CYFIP1: variants seen among roughly 807,000 people sequenced by gnomAD.
The protein encoded by CYFIP1 is cytoplasmic FMR1-interacting protein 1.
A neutral mutation model predicts 163.5 loss-of-function variants in CYFIP1; 58 were observed. The observed-to-expected ratio is 0.35, with a 90% confidence interval of 0.29 to 0.44. The LOEUF (loss-of-function observed/expected upper bound fraction) is 0.44. Ranked by LOEUF, CYFIP1 falls within the 20% of genes least tolerant of loss-of-function variation. The pLI, the probability that CYFIP1 is intolerant of heterozygous loss-of-function variation, is 1.00. For missense variants in CYFIP1, 1,338 were observed against 1,653.8 expected, an observed-to-expected ratio of 0.81 and a Z score of 3.31; for synonymous variants, 663 against 660.7, an observed-to-expected ratio of 1.00 and a Z score of -0.05.
intron 22 of CYFIP1, among the ~76,000 whole-genome samples, chr15:22,900,527 T>C (rs1452914897): frequency 6.6e-6 from 1 of 151,776 alleles, no homozygotes. Flanking sequence ...GCCTCCCAAG[T>C]AGCTGGGACT....
At chr15:22,893,103 G>T in intron 22 of CYFIP1, 126 bp from the exon 23 acceptor site, 1 of 675,628 alleles carries the variant, frequency 1.5e-6, no homozygotes, top group Non-Finnish European at 2.5e-6. Flanking sequence ...TCATCAAATA[G>T]GAAAATTCTA....
At position 22,917,417 on chromosome 15, in the gene CYFIP1, TC is replaced by T. The variant is rs1240703048; in HGVS notation, c.1674+370del. 3.0e-6 allele frequency: 2 copies of T among 662,038 alleles called. No individual in the cohort carries two copies. The highest frequency in any genetic ancestry group is 4.4e-6 in the Non-Finnish European group (2 of 457,478). The allele number at this position is 662,038 out of a possible 1,614,324, so 41.0% of individuals were successfully genotyped here. A position where few individuals can be genotyped will look rare whatever the true frequency, so the allele number is the denominator to read the frequency against. Reference sequence around the variant, plus strand: ...CACACGCAAGCAGCACCTCACAGTTTCCCACGCCCCATCTACAGTCATTTGC... The same window carrying T: ...CACACGCAAGCAGCACCTCACAGTTTCCACGCCCCATCTACAGTCATTTGC... On this transcript the variant is annotated intron_variant, in intron 15 of 30. Coordinates refer to ENST00000617928, the MANE Select transcript of CYFIP1 (RefSeq NM_014608.6). The surrounding 1 kb of genome is among the most constrained non-coding windows in gnomAD (Gnocchi z 4.2).
intron 13 of CYFIP1, among the ~76,000 whole-genome samples, chr15:22,920,159 C>CTTTTTTTTTT (rs71117470): frequency 4.0e-5 from 3 of 75,520 alleles, no homozygotes; most frequent in African/African-American, 5.4e-5. Flanking sequence ...ATTAAGGCAG[C>CTTTTTTTTTT]TTTTTTTTTT....
intron 5 of CYFIP1, among the ~76,000 whole-genome samples, chr15:22,943,663 T>C (rs991554268): frequency 3.3e-5 from 5 of 152,238 alleles, no homozygotes; most frequent in Non-Finnish European, 7.3e-5. Flanking sequence ...AAAATTCAGA[T>C]GTTCTAACTT....
chr15:22,900,621 T>G, intron 22 of CYFIP1, among the ~76,000 whole-genome samples: 1 of 151,848 alleles, frequency 6.6e-6, no homozygotes, highest in Non-Finnish European at 1.5e-5. Flanking sequence ...CAGAATGGTC[T>G]TGGTCTCCTA....
chr15:22,978,244 CAG>C (rs2063343151), intron 1 of CYFIP1, among the ~76,000 whole-genome samples: 1 of 147,690 alleles, frequency 6.8e-6, no homozygotes, highest in African/African-American at 2.5e-5. Context: ...CCCAGCTACT[CAG>C]GGGGCTGAGG....
At chr15:22,920,159 CTTTTTTTTTTTT>C (rs71117470) in intron 13 of CYFIP1, among the ~76,000 whole-genome samples, 1 of 75,520 alleles carries the variant, frequency 1.3e-5, no homozygotes, top group Non-Finnish European at 2.3e-5. Context: ...ATTAAGGCAG[CTTTTTTTTTTTT>C]TTTTTTTTTT....
At chr15:22,964,926 G>A (rs966647644) in intron 1 of CYFIP1, among the ~76,000 whole-genome samples, 1 of 152,130 alleles carries the variant, frequency 6.6e-6, no homozygotes, top group Non-Finnish European at 1.5e-5. Flanking sequence ...AGGTCATGCA[G>A]TATCTGTCTT....
At chr15:22,908,514 A>ATTTTTTTT (rs2060660703) in intron 21 of CYFIP1, among the ~76,000 whole-genome samples, 1 of 95,112 alleles carries the variant, frequency 1.1e-5, no homozygotes, top group African/African-American at 4.6e-5. Context: ...TAAAGAAGAT[A>ATTTTTTTT]TTTCTTTTTT....
intron 17 of CYFIP1, among the ~76,000 whole-genome samples, chr15:22,913,548 A>AG (rs1300150677): frequency 3.3e-4 from 46 of 141,488 alleles, no homozygotes; most frequent in African/African-American, 1.2e-3. Flanking sequence ...AAAAAAAAAA[A>AG]AAAGAAAGAA....
intron 1 of CYFIP1, among the ~76,000 whole-genome samples, chr15:22,952,109 A>C (rs967701097): frequency 3.9e-5 from 6 of 152,156 alleles, no homozygotes; most frequent in African/African-American, 1.4e-4. Context: ...TAACGACCTT[A>C]GGCTAAGTGA....
At chr15:22,897,487 T>TTTTG (rs1172670812) in intron 22 of CYFIP1, among the ~76,000 whole-genome samples, 3 of 151,388 alleles carry the variant, frequency 2.0e-5, no homozygotes, top group Non-Finnish European at 4.4e-5. Flanking sequence ...TGTTTTTTTT[T>TTTTG]TTTGTTTGTG....
In CYFIP1 at chr15:22,943,318, G is replaced by A. The variant is rs1414587779; in HGVS notation, c.424C>T (p.Arg142Cys). The change falls in exon 6 of 31, where the codon CGC (arginine) becomes TGC (cysteine). Residue 142 changes from arginine (R) to cysteine (C), a missense_variant. This residue lies in a region of CYFIP1 where 186 missense variants were observed against 288.3 expected (regional missense o/e 0.65). Transcript: ENST00000617928. Reference protein sequence around the residue: ...AIERFCGEVRRLCHAERRKDF... With the variant: ...AIERFCGEVRCLCHAERRKDF... ...TTCCTCCTCTCGGCATGGCACAGGCGCCTCACTTCCCCGCAGAAACGCTCA... is the reference window on the plus strand; with the variant it reads ...TTCCTCCTCTCGGCATGGCACAGGCACCTCACTTCCCCGCAGAAACGCTCA... 8 of 1,614,166 alleles carry A rather than the reference G, an allele frequency of 5.0e-6. No individual in the cohort carries two copies. Among genetic ancestry groups the A allele is most frequent in the Admixed American group, 1.7e-5 (1 of 60,022 alleles).
chr15:22,973,947 G>A (rs2063184719), intron 1 of CYFIP1, among the ~76,000 whole-genome samples: 1 of 152,152 alleles, frequency 6.6e-6, no homozygotes, highest in Non-Finnish European at 1.5e-5. Flanking sequence ...CTAATCATCA[G>A]GGAATCCAAA....
chr15:22,928,135 A>C lies in CYFIP1; in HGVS notation c.1111-107T>G. 15 of 1,319,942 alleles carry C rather than the reference A, an allele frequency of 1.1e-5. No homozygotes were observed. The South Asian group carries it at 2.1e-4, about 19-fold the overall frequency. 81.8% of individuals were successfully genotyped at this position (1,319,942 alleles called of 1,614,324 possible). On this transcript the variant is annotated intron_variant, in intron 11 of 30. Transcript: ENST00000617928. ...ACCCCAAAGTCACACGTGTGAAAAT[A>C]AGAAATGCAGGAGGCCAAGGCGGGC...
chr15:22,940,011 C>G (rs192957632), intron 6 of CYFIP1, among the ~76,000 whole-genome samples: 1 of 152,184 alleles, frequency 6.6e-6, no homozygotes, highest in Non-Finnish European at 1.5e-5. Context: ...AGACAGAGCC[C>G]TGGCCTGCCA....
intron 1 of CYFIP1, among the ~76,000 whole-genome samples, chr15:22,953,250 C>T (rs1000553449): frequency 1.3e-5 from 2 of 152,126 alleles, no homozygotes; most frequent in African/African-American, 4.8e-5. Flanking sequence ...GGGGCCCTGG[C>T]GGTGTCCACT....
Position 22,903,789 on chromosome 15 carries a change from G to C in CYFIP1, c.2505C>G (p.Pro835=). ...FREANHNVSA[P]YGRITLHVFW... ...AGACGTGCAGGGTGATCCTCCCGTA[G>C]GGCGCTGACACGTTGTGGTTGGCCT... Residue 835 remains proline, a synonymous_variant, in exon 22 of 31, where the codon CCC becomes CCG. Transcript: ENST00000617928. 6.2e-7 allele frequency: 1 copy of C among 1,614,218 alleles called. No homozygotes were observed. Among genetic ancestry groups the C allele is most frequent in the Middle Eastern group, 1.6e-4 (1 of 6,062 alleles).
At chr15:22,959,232 G>A (rs2062590163) in intron 1 of CYFIP1, among the ~76,000 whole-genome samples, 1 of 152,196 alleles carries the variant, frequency 6.6e-6, no homozygotes, top group African/African-American at 2.4e-5. Context: ...AACAATTAAG[G>A]AGTGCTCCTC....
Sources: gnomAD v4.1 joint callset for allele counts (sites outside exome capture counted in the v4.1 genomes callset) on GRCh38, gnomAD v4.1.1 for gene constraint, gnomAD v4.1.1 regional missense constraint, Gnocchi (gnomAD v3.1) non-coding constraint, MANE v1.5 for transcripts, NCBI Gene and HGNC (gene_info 2026-07-23, HGNC 2026-07-21) for gene names.